N4BP2: variants seen among roughly 807,000 people sequenced by gnomAD.
N4BP2 encodes the protein NEDD4-binding protein 2.
A neutral mutation model predicts 152.8 loss-of-function variants in N4BP2; 91 were observed. The ratio of observed to expected loss-of-function variants is 0.60; its 90% CI spans 0.50 to 0.71. The LOEUF is 0.71. Ranked by LOEUF, N4BP2 falls within the 30% of genes least tolerant of loss-of-function variation. The probability of loss-of-function intolerance (pLI) is 0.00; values close to 1 mark genes in which losing one functional copy is unlikely to be tolerated. For synonymous variants in N4BP2, 646 were observed against 705.3 expected (o/e 0.92, Z 1.33); for missense variants, 1,923 against 2,059.1 (o/e 0.93, Z 1.28).
chr4:40,108,374 G>T (rs569640410), intron 5 of N4BP2, among the ~76,000 whole-genome samples: 22 of 151,964 alleles, frequency 1.4e-4, no homozygotes, highest in Non-Finnish European at 2.8e-4. Context: ...GCGCAGTGGC[G>T]TGATCTCGGC....
At position 40,118,390 on chromosome 4, in the gene N4BP2, C is replaced by T. The variant is rs1239047509; in HGVS notation, c.1820+366C>T. On this transcript the variant is annotated intron_variant, in intron 8 of 17. Transcript: ENST00000261435. ...GAGGTTGCGGTGAGCCGAGATTGCG[C>T]CATTGCATTCCACCCTGGGCAACAA... 2.0e-5 allele frequency among the ~76,000 whole-genome samples: 3 copies of T among 152,074 alleles called. No homozygotes were observed. In the East Asian group the frequency reaches 5.8e-4, roughly 29 times the overall value.
chr4:40,175,088 A>C, the N4BP2 span, among the ~76,000 whole-genome samples: 1 of 152,248 alleles, frequency 6.6e-6, no homozygotes, highest in Non-Finnish European at 1.5e-5. Flanking sequence ...TGGCACAATG[A>C]GAACTCACTG....
intron 13 of N4BP2, among the ~76,000 whole-genome samples, chr4:40,132,513 A>G (rs1718990535): frequency 6.6e-6 from 1 of 152,170 alleles, no homozygotes; most frequent in South Asian, 2.1e-4. Context: ...ACTTATATAA[A>G]ACATAACCAG....
the N4BP2 span, among the ~76,000 whole-genome samples, chr4:40,180,939 C>T: frequency 4.6e-5 from 7 of 152,176 alleles, no homozygotes; most frequent in Admixed American, 2.6e-4. Flanking sequence ...ATCATGAGGT[C>T]GGGAGTCCGA....
At chr4:40,113,309 C>T in intron 6 of N4BP2, 123 bp from the exon 7 acceptor site, 2 of 661,862 alleles carry the variant, frequency 3.0e-6, no homozygotes, top group East Asian at 2.9e-5. Flanking sequence ...TATATTTTGC[C>T]ATTTTAACAC....
intron 4 of N4BP2, among the ~76,000 whole-genome samples, chr4:40,105,211 G>A (rs1226520217): frequency 6.6e-6 from 1 of 152,152 alleles, no homozygotes; most frequent in East Asian, 1.9e-4. Flanking sequence ...GGATATCTGA[G>A]AAACAATTTT....
the N4BP2 span, among the ~76,000 whole-genome samples, chr4:40,176,565 A>C: frequency 1.0e-3 from 153 of 152,308 alleles, 1 homozygote; most frequent in Non-Finnish European, 1.9e-4. Flanking sequence ...CCAGTTAAGA[A>C]ATGTAGGATT....
chr4:40,135,919 G>A (rs1719341544), intron 13 of N4BP2, among the ~76,000 whole-genome samples: 1 of 152,156 alleles, frequency 6.6e-6, no homozygotes, highest in South Asian at 2.1e-4. Context: ...TCAGTATCTG[G>A]CCAATGGAAG....
At chr4:40,090,969 T>C (rs1306848774) in intron 2 of N4BP2, among the ~76,000 whole-genome samples, 1 of 136,954 alleles carries the variant, frequency 7.3e-6, no homozygotes, top group East Asian at 2.3e-4. Flanking sequence ...TAAGATCCTA[T>C]TGAGGTTAAT....
chr4:40,119,430 T>G (rs1476004560), intron 8 of N4BP2, among the ~76,000 whole-genome samples: 2 of 152,202 alleles, frequency 1.3e-5, no homozygotes, highest in Non-Finnish European at 2.9e-5. Context: ...TAAAAAATCT[T>G]ACCAAATGAC....
rs752632971 is a variant in N4BP2 at position 40,103,206 on chromosome 4, C to CT, written c.1367dup (p.Leu456PhefsTer9). 2.5e-6 allele frequency: 4 copies of CT among 1,603,874 alleles called. No individual in the cohort carries two copies. The highest frequency in any genetic ancestry group is 3.4e-6 in the Non-Finnish European group (4 of 1,175,518). On this transcript the variant is annotated frameshift_variant, in exon 4 of 18. Transcript: ENST00000261435. LOFTEE classifies it high-confidence loss of function. Reference sequence around the variant, plus strand: ...AGAGGTCTTCCGGGATCTGGAAAATCTTTTTTGGCAAGGTATGAGGTTTGA... The same window carrying CT: ...AGAGGTCTTCCGGGATCTGGAAAATCTTTTTTTGGCAAGGTATGAGGTTTGA...
the N4BP2 span, among the ~76,000 whole-genome samples, chr4:40,169,336 C>T: frequency 4.0e-5 from 6 of 149,500 alleles, no homozygotes; most frequent in South Asian, 2.1e-4. Flanking sequence ...GAGCTGAGAT[C>T]GCTCCACTGC....
At chr4:40,100,525 G>A (rs936400976) in intron 3 of N4BP2, among the ~76,000 whole-genome samples, 3 of 151,812 alleles carry the variant, frequency 2.0e-5, no homozygotes, top group African/African-American at 7.3e-5. Flanking sequence ...GGTACTATAC[G>A]CACATGCTAC....
At position 40,121,554 on chromosome 4, in the gene N4BP2, C is replaced by T. The variant is rs1217768928; in HGVS notation, c.3443C>T (p.Ser1148Leu). The T allele has an allele frequency of 6.2e-7, 1 of 1,614,028 alleles. No individual in the cohort carries two copies. Among genetic ancestry groups the T allele is most frequent in the South Asian group, 1.1e-5 (1 of 91,060 alleles). The change falls in exon 9 of 18, where the codon TCA (serine) becomes TTA (leucine). Residue 1148 changes from serine to leucine, a missense_variant. By Grantham distance (145) the Ser-to-Leu change is moderately radical. Coordinates refer to ENST00000261435, the MANE Select transcript of N4BP2 (RefSeq NM_018177.6). ...AATTTCCAAAAATCGTGTGATGGAT[C>T]ACAAATTGGGCCTTTTTCTCTGGGG... ...FENFQKSCDG[S>L]QIGPFSLGLN...
chr4:40,113,390 G>C, intron 6 of N4BP2, 42 bp from the exon 7 acceptor site: 1 of 1,330,862 alleles, frequency 7.5e-7, no homozygotes, highest in South Asian at 1.2e-5. Context: ...TAATTTCTTG[G>C]AAATACCTAT....
intron 15 of N4BP2, among the ~76,000 whole-genome samples, chr4:40,144,377 T>C (rs28538731): frequency 0.082 from 12,466 of 152,242 alleles, 943 homozygotes; most frequent in East Asian, 0.41. Context: ...TTTAGTTAAG[T>C]TTCCCACTTT....
intron 14 of N4BP2, among the ~76,000 whole-genome samples, chr4:40,140,678 G>T (rs941513065): frequency 2.0e-5 from 3 of 151,740 alleles, no homozygotes; most frequent in East Asian, 3.9e-4. Flanking sequence ...TGGAGGGAAG[G>T]TCAGCAGATA....
the N4BP2 span, among the ~76,000 whole-genome samples, chr4:40,175,329 T>A: frequency 8.0e-6 from 1 of 125,634 alleles, no homozygotes; most frequent in African/African-American, 3.1e-5. Context: ...GGTATATATG[T>A]GAAATATAGA....
rs761309944 is a variant in N4BP2 at position 40,102,305 on chromosome 4, A to G, written c.460A>G (p.Asn154Asp). The change falls in exon 4 of 18, where the codon AAC becomes GAC. Residue 154 changes from asparagine to aspartate, a missense_variant. Coordinates refer to ENST00000261435, the MANE Select transcript of N4BP2 (RefSeq NM_018177.6). Reference protein sequence around the residue: ...SLIQNAFEKLNSSPDDQVYSF... With the variant: ...SLIQNAFEKLDSSPDDQVYSF... ...AATACAGAATGCTTTTGAGAAATTGAACTCTTCTCCTGATGACCAAGTATA... is the reference window on the plus strand; with the variant it reads ...AATACAGAATGCTTTTGAGAAATTGGACTCTTCTCCTGATGACCAAGTATA... The G allele has an allele frequency of 6.2e-6, 10 of 1,613,090 alleles. No homozygotes were observed. The highest frequency in any genetic ancestry group is 1.3e-5 in the African/African-American group (1 of 74,844).
Sources: gnomAD v4.1 joint callset for allele counts (sites outside exome capture counted in the v4.1 genomes callset) on GRCh38, gnomAD v4.1.1 for gene constraint, MANE v1.5 for transcripts, NCBI Gene and HGNC (gene_info 2026-07-23, HGNC 2026-07-21) for gene names.